Variants in PINX1 observed in about 807,000 individuals in gnomAD.
The protein encoded by PINX1 is PIN2/TERF1-interacting telomerase inhibitor 1.
In PINX1, 34 loss-of-function variants were observed where a neutral mutation model predicts 25.4. The ratio of observed to expected loss-of-function variants is 1.34; its 90% CI spans 1.02 to 1.78. The LOEUF is 1.78. PINX1 is among the 40% of genes most tolerant of loss of function. The probability of loss-of-function intolerance (pLI) is 0.00; values close to 1 mark genes in which losing one functional copy is unlikely to be tolerated. For synonymous variants in PINX1, 197 were observed against 147.7 expected (o/e 1.33, Z -2.42); for missense variants, 592 against 404.9 (o/e 1.46, Z -3.97).
intron 6 of PINX1, among the ~76,000 whole-genome samples, chr8:10,815,683 C>G (rs1442894533): frequency 6.6e-6 from 1 of 152,190 alleles, no homozygotes; most frequent in Non-Finnish European, 1.5e-5. Flanking sequence ...ACACCATGAG[C>G]TCTCCAACAC....
Position 10,832,881 on chromosome 8 carries a change from C to G in PINX1, c.222+11G>C. The G allele has an allele frequency of 6.4e-7, 1 of 1,561,688 alleles. No homozygotes were observed. Among genetic ancestry groups the G allele is most frequent in the Non-Finnish European group, 8.8e-7 (1 of 1,133,710 alleles). The stretch of plus-strand genomic sequence containing the variant: ...TGCAAAGACACCCAGGAGGCACACA[C>G]TGCTGCTCACTTCATTATTGATGGT... On this transcript the variant is annotated intron_variant, in intron 3 of 6. Coordinates refer to ENST00000314787, the MANE Select transcript of PINX1 (RefSeq NM_017884.6).
At chr8:10,837,258 C>G (rs1014978393) in intron 1 of PINX1, among the ~76,000 whole-genome samples, 1 of 152,208 alleles carries the variant, frequency 6.6e-6, no homozygotes, top group Non-Finnish European at 1.5e-5. Context: ...GAGTCTCTCA[C>G]TAGCTTCCCT....
chr8:10,775,415 T>G (rs57718242), intron 6 of PINX1, among the ~76,000 whole-genome samples: 20,347 of 124,538 alleles, frequency 0.16, 1,938 homozygotes, highest in Non-Finnish European at 0.23. Flanking sequence ...TTGTGGTTTT[T>G]TTTTTTTTTT....
chr8:10,834,600 A>T, intron 2 of PINX1, 66 bp downstream of exon 2: 1 of 1,564,554 alleles, frequency 6.4e-7, no homozygotes, highest in Non-Finnish European at 8.6e-7. Flanking sequence ...CCTAAGAAGG[A>T]AGTTTTCCCC....
chr8:10,797,608 G>A (rs566895757), intron 6 of PINX1, among the ~76,000 whole-genome samples: 2 of 152,308 alleles, frequency 1.3e-5, no homozygotes, highest in South Asian at 2.1e-4. Flanking sequence ...GAGGACCCCT[G>A]AATCAGATTC....
intron 6 of PINX1, among the ~76,000 whole-genome samples, chr8:10,800,347 A>G (rs1802227188): frequency 6.6e-6 from 1 of 152,228 alleles, no homozygotes; most frequent in Non-Finnish European, 1.5e-5. Flanking sequence ...AATAATGTCA[A>G]TGATAATTAT....
At chr8:10,795,981 G>C (rs9644730) in intron 6 of PINX1, among the ~76,000 whole-genome samples, 34,484 of 152,016 alleles carry the variant, frequency 0.23, 4,084 homozygotes, top group East Asian at 0.33. Context: ...GGTGGTTTAA[G>C]ACAAACTATT....
intron 6 of PINX1, among the ~76,000 whole-genome samples, chr8:10,776,497 T>G (rs1371430460): frequency 6.6e-6 from 1 of 152,058 alleles, no homozygotes; most frequent in Non-Finnish European, 1.5e-5. Flanking sequence ...CATTATATAA[T>G]ATATATAATT....
At position 10,782,882 on chromosome 8, in the gene PINX1, G is replaced by C. The variant is rs1801631897; in HGVS notation, c.472-16966C>G. ...AAAGGAAAACCCTCCAGTCATCTTT[G>C]GAGAATGCTAGAGCACCTCCTCATT... is the stretch of plus-strand genomic sequence containing the variant. On this transcript the variant is annotated intron_variant, in intron 6 of 6. Coordinates refer to ENST00000314787, the MANE Select transcript of PINX1 (RefSeq NM_017884.6). 2.0e-5 allele frequency among the ~76,000 whole-genome samples: 3 copies of C among 152,160 alleles called. No homozygotes were observed. In the South Asian group the frequency reaches 6.2e-4, roughly 32 times the overall value.
chr8:10,821,084 G>C (rs574852060), intron 5 of PINX1, among the ~76,000 whole-genome samples: 7 of 152,204 alleles, frequency 4.6e-5, no homozygotes, highest in African/African-American at 1.7e-4. Flanking sequence ...CATGGTAAAT[G>C]CATTTTAAAA....
intron 6 of PINX1, among the ~76,000 whole-genome samples, chr8:10,810,194 A>G (rs1802583924): frequency 1.3e-5 from 2 of 152,226 alleles, no homozygotes; most frequent in South Asian, 2.1e-4. Flanking sequence ...TTACAATTCA[A>G]CATGGGGTTT....
chr8:10,765,667 C>A lies in PINX1; in HGVS notation c.721G>T (p.Glu241Ter). 2 of 1,614,026 alleles carry A rather than the reference C, an allele frequency of 1.2e-6. No individual in the cohort carries two copies. The highest frequency in any genetic ancestry group is 1.7e-6 in the Non-Finnish European group (2 of 1,179,900). ...ACTCGCTCCTGGGCCTCGGCCCTCTCGGGCTTTCCCTCCGTGTGCCTCTTG... is the reference window on the plus strand; with the variant it reads ...ACTCGCTCCTGGGCCTCGGCCCTCTAGGGCTTTCCCTCCGTGTGCCTCTTG... ...KAKRHTEGKP[E>*]RAEAQERVAK... The change falls in exon 7 of 7, where the codon GAG becomes TAG. Residue 241 changes from glutamate (E) to a stop codon, truncating the protein, a stop_gained. Coordinates refer to ENST00000314787, the MANE Select transcript of PINX1 (RefSeq NM_017884.6). LOFTEE classifies it low-confidence loss of function (END_TRUNC).
intron 6 of PINX1, among the ~76,000 whole-genome samples, chr8:10,776,357 G>A (rs996238106): frequency 2.0e-5 from 3 of 151,992 alleles, no homozygotes; most frequent in Non-Finnish European, 2.9e-5. Flanking sequence ...CCTGAGAAGC[G>A]GAGGTTGCAG....
intron 1 of PINX1, among the ~76,000 whole-genome samples, 199 bp downstream of exon 1, chr8:10,839,539 C>G (rs1475943546): frequency 6.6e-6 from 1 of 152,246 alleles, no homozygotes; most frequent in South Asian, 2.1e-4. Context: ...CGGTCTCTCT[C>G]ACTAGCAGAC....
chr8:10,823,011 T>C (rs1485953872), intron 5 of PINX1, among the ~76,000 whole-genome samples: 1 of 152,148 alleles, frequency 6.6e-6, no homozygotes, highest in African/African-American at 2.4e-5. Flanking sequence ...GGGCAGAAGA[T>C]AAGGGTAACT....
intron 6 of PINX1, among the ~76,000 whole-genome samples, chr8:10,800,527 T>G (rs1287482478): frequency 6.6e-6 from 1 of 151,708 alleles, no homozygotes; most frequent in Non-Finnish European, 1.5e-5. Flanking sequence ...TGGAGTGCAG[T>G]GGCGTGATCT....
At chr8:10,784,928 G>A (rs1472821697) in intron 6 of PINX1, among the ~76,000 whole-genome samples, 1 of 152,202 alleles carries the variant, frequency 6.6e-6, no homozygotes, top group Non-Finnish European at 1.5e-5. Flanking sequence ...CCCGCTGTTC[G>A]AAGACATGCA....
At chr8:10,785,367 AAAGAT>A (rs1314827427) in intron 6 of PINX1, among the ~76,000 whole-genome samples, 2 of 152,248 alleles carry the variant, frequency 1.3e-5, no homozygotes, top group African/African-American at 4.8e-5. Context: ...CAGTCTACGA[AAAGAT>A]AAGATTCTTA....
intron 6 of PINX1, among the ~76,000 whole-genome samples, chr8:10,795,605 T>A (rs1035870896): frequency 6.6e-6 from 1 of 152,230 alleles, no homozygotes; most frequent in African/African-American, 2.4e-5. Context: ...TTCACCATGT[T>A]GGCCAGGCTG....
Sources: allele counts gnomAD v4.1 joint callset (sites outside exome capture counted in the v4.1 genomes callset), GRCh38; gene constraint gnomAD v4.1.1; transcripts MANE v1.5; gene names NCBI Gene and HGNC (gene_info 2026-07-23, HGNC 2026-07-21).